The following WFDC10B variants were observed in gnomAD, a reference collection of about 807,000 sequenced individuals.
The protein encoded by WFDC10B is WAP four-disulfide core domain 10B, also known as protein WFDC10B.
Under a neutral mutation model 2.7 loss-of-function variants are expected in WFDC10B, and 1 was observed. The ratio of observed to expected loss-of-function variants is 0.38; its 90% CI spans 0.13 to 1.79. The LOEUF is 1.79. Among genes scored for constraint, WFDC10B ranks in the 40% most tolerant of loss-of-function variants. The pLI, the probability that WFDC10B is intolerant of heterozygous loss-of-function variation, is 0.33. For synonymous variants in WFDC10B, 26 were observed against 32.2 expected (o/e 0.81, Z 0.65); for missense variants, 71 against 87.8 (o/e 0.81, Z 0.76).
intron 2 of WFDC10B, among the ~76,000 whole-genome samples, chr20:45,695,747 AGGCT>A (rs1983956805): frequency 1.3e-5 from 2 of 152,174 alleles, no homozygotes; most frequent in Admixed American, 1.3e-4. Context: ...GCACTTTGGG[AGGCT>A]GAGGTGGGTG....
chr20:45,684,830 T>C lies in WFDC10B; in HGVS notation c.222A>G (p.Ter74TrpextTer?), dbSNP rs746205428. Residue 74 changes from the stop codon to tryptophan (W), a stop_lost, in exon 4 of 4, where the codon TGA becomes TGG. Coordinates refer to ENST00000330523, the MANE Select transcript of WFDC10B (RefSeq NM_172006.2). ...FCGNICMSIL* is the reference protein window; with the variant it reads ...FCGNICMSILW ...TGCACATCCCAGCCCACTCTCCCAC[T>C]CATAGGATGCTCATACAAATGTTCC... 3 of 1,613,756 alleles carry C rather than the reference T, an allele frequency of 1.9e-6. No homozygotes were observed. In the Admixed American group the frequency reaches 5.0e-5, roughly 27 times the overall value.
At chr20:45,694,931 C>T (rs543274308) in intron 2 of WFDC10B, among the ~76,000 whole-genome samples, 2 of 152,312 alleles carry the variant, frequency 1.3e-5, no homozygotes, top group South Asian at 4.1e-4. Flanking sequence ...TTGGTGAACA[C>T]ATCCATGTGC....
intron 2 of WFDC10B, among the ~76,000 whole-genome samples, chr20:45,702,442 G>T (rs186351221): frequency 1.9e-4 from 29 of 152,352 alleles, no homozygotes; most frequent in African/African-American, 7.0e-4. Context: ...GAGGAGAACA[G>T]ATAATGCATG....
At chr20:45,691,874 T>A (rs1983824621) in intron 2 of WFDC10B, among the ~76,000 whole-genome samples, 1 of 152,232 alleles carries the variant, frequency 6.6e-6, no homozygotes, top group Non-Finnish European at 1.5e-5. Context: ...TTTGAACCTG[T>A]CATTATGATG....
chr20:45,697,742 CTTTT>C (rs1162470530), intron 2 of WFDC10B, among the ~76,000 whole-genome samples: 2 of 113,404 alleles, frequency 1.8e-5, no homozygotes, highest in African/African-American at 3.4e-5. Flanking sequence ...ATTTCTTTTT[CTTTT>C]TTTTTTTTTT....
intron 2 of WFDC10B, among the ~76,000 whole-genome samples, chr20:45,697,478 A>C (rs1984013073): frequency 1.4e-5 from 2 of 140,606 alleles, no homozygotes; most frequent in African/African-American, 2.7e-5. Flanking sequence ...TCCATCTCCC[A>C]GGTGCTGGGA....
chr20:45,700,736 CAAG>C (rs1284575175), intron 2 of WFDC10B, among the ~76,000 whole-genome samples: 1 of 152,098 alleles, frequency 6.6e-6, no homozygotes, highest in Non-Finnish European at 1.5e-5. Context: ...AAAGGGGAAA[CAAG>C]AAGTTTTCAT....
intron 2 of WFDC10B, among the ~76,000 whole-genome samples, chr20:45,699,090 T>G (rs900535937): frequency 3.3e-5 from 5 of 152,146 alleles, no homozygotes; most frequent in Non-Finnish European, 7.3e-5. Flanking sequence ...CACTTCACAT[T>G]TTTTGACTGG....
In WFDC10B at chr20:45,684,779, C is replaced by T. The variant is rs775250900; in HGVS notation, c.*51G>A. ...TGTGCTTCGGATGTGGGCACAGTCT[C>T]GGATGGAAGGGTTCAGGGAGCAGGA... On this transcript the variant is annotated 3_prime_UTR_variant, in exon 4 of 4. Transcript: ENST00000330523. 1.5e-5 allele frequency: 24 copies of T among 1,599,154 alleles called. No homozygotes were observed. The highest frequency in any genetic ancestry group is 1.7e-4 in the Middle Eastern group (1 of 5,996).
intron 2 of WFDC10B, 141 bp downstream of exon 2, chr20:45,704,356 T>C (rs1296190639): frequency 7.3e-6 from 11 of 1,516,832 alleles, no homozygotes. Flanking sequence ...GGGTGGCAGG[T>C]TTCCTGGCAG....
At chr20:45,687,044 T>A (rs1983642502) in intron 2 of WFDC10B, among the ~76,000 whole-genome samples, 1 of 152,202 alleles carries the variant, frequency 6.6e-6, no homozygotes, top group Non-Finnish European at 1.5e-5. Flanking sequence ...CTGGGGTACA[T>A]GTGCAGGATG....
At chr20:45,704,611 A>G (rs1194176407) in intron 1 of WFDC10B, 50 bp from the exon 2 acceptor site, 10 of 1,612,836 alleles carry the variant, frequency 6.2e-6, no homozygotes, top group Non-Finnish European at 8.5e-6. Context: ...GATATCTCAT[A>G]TCCAGGTCTG....
intron 2 of WFDC10B, among the ~76,000 whole-genome samples, chr20:45,693,861 C>T (rs66480369): frequency 0.31 from 47,898 of 152,080 alleles, 7,686 homozygotes; most frequent in South Asian, 0.46. Flanking sequence ...GTCTGGCACT[C>T]CCTAGTGAGA....
chr20:45,686,827 ATTG>A (rs1983636954), intron 2 of WFDC10B, among the ~76,000 whole-genome samples: 2 of 151,960 alleles, frequency 1.3e-5, no homozygotes, highest in Admixed American at 1.3e-4. Context: ...CACCCAGATA[ATTG>A]TTGTATTTTT....
chr20:45,690,561 A>G, intron 2 of WFDC10B, among the ~76,000 whole-genome samples: 1 of 151,690 alleles, frequency 6.6e-6, no homozygotes. Flanking sequence ...TTCCTGGTTT[A>G]GTCTTGGGAG....
At chr20:45,701,090 G>A (rs1299083657) in intron 2 of WFDC10B, among the ~76,000 whole-genome samples, 1 of 152,208 alleles carries the variant, frequency 6.6e-6, no homozygotes, top group Non-Finnish European at 1.5e-5. Context: ...TTGGTTTGGT[G>A]ATGGTGCATC....
At chr20:45,690,411 A>T (rs900992162) in intron 2 of WFDC10B, among the ~76,000 whole-genome samples, 3 of 151,934 alleles carry the variant, frequency 2.0e-5, no homozygotes, top group Non-Finnish European at 4.4e-5. Flanking sequence ...TTTCAGAAGG[A>T]ATGGTACCAG....
At chr20:45,687,860 T>A (rs1448057429) in intron 2 of WFDC10B, among the ~76,000 whole-genome samples, 33 of 145,342 alleles carry the variant, frequency 2.3e-4, no homozygotes, top group Admixed American at 2.1e-3. Flanking sequence ...TGTCTTTTCT[T>A]TTATTATTAT....
intron 2 of WFDC10B, among the ~76,000 whole-genome samples, chr20:45,701,489 C>T (rs67705533): frequency 0.31 from 47,044 of 151,922 alleles, 7,472 homozygotes; most frequent in South Asian, 0.46. Context: ...AGACCAGGCG[C>T]GGTGGCTCAC....
Sources: gnomAD v4.1 joint callset for allele counts (sites outside exome capture counted in the v4.1 genomes callset) on GRCh38, gnomAD v4.1.1 for gene constraint, MANE v1.5 for transcripts, NCBI Gene and HGNC (gene_info 2026-07-23, HGNC 2026-07-21) for gene names.